The following HTR4 variants were observed in gnomAD, a reference collection of about 807,000 sequenced individuals.
HTR4 encodes 5-hydroxytryptamine receptor 4.
Under a neutral mutation model 36.8 loss-of-function variants are expected in HTR4, and 16 were observed. That is an observed-to-expected ratio of 0.43 (90% CI 0.29 to 0.66). The LOEUF is 0.66. Among genes scored for constraint, HTR4 ranks in the 30% least tolerant of loss-of-function variants. HTR4 has a pLI of 0.13. For synonymous variants in HTR4, 189 were observed against 185.1 expected, an observed-to-expected ratio of 1.02 and a Z score of -0.17; for missense variants, 438 against 490.9, an observed-to-expected ratio of 0.89 and a Z score of 1.02.
chr5:148,465,166 TTA>T (rs1172052512), intron 5 of HTR4, among the ~76,000 whole-genome samples: 2 of 152,110 alleles, frequency 1.3e-5, no homozygotes, highest in African/African-American at 4.8e-5. Context: ...ATACATGTCA[TTA>T]TGTGTTTGTC....
intron 1 of HTR4, among the ~76,000 whole-genome samples, chr5:148,648,640 T>C (rs575571857): frequency 1.3e-5 from 2 of 152,294 alleles, no homozygotes; most frequent in East Asian, 3.9e-4. Flanking sequence ...AGTTGTGTGA[T>C]AGGAGGGGAC....
chr5:148,547,050 C>G (rs1021216853), intron 4 of HTR4, among the ~76,000 whole-genome samples: 1 of 152,122 alleles, frequency 6.6e-6, no homozygotes, highest in Admixed American at 6.5e-5. Context: ...TTAACTTAAG[C>G]ATATTCAACT....
At chr5:148,459,238 G>C (rs574339423) in intron 5 of HTR4, among the ~76,000 whole-genome samples, 1 of 152,098 alleles carries the variant, frequency 6.6e-6, no homozygotes, top group Non-Finnish European at 1.5e-5. Flanking sequence ...GAACTCGAGG[G>C]GGGAGGGCAA....
At chr5:148,605,256 CTTTTTTTTT>C (rs869039969) in intron 2 of HTR4, among the ~76,000 whole-genome samples, 1 of 42,652 alleles carries the variant, frequency 2.3e-5, no homozygotes, top group Non-Finnish European at 4.2e-5. Flanking sequence ...CTTTTCTTTT[CTTTTTTTTT>C]TTTTTTTTTT....
intron 1 of HTR4, among the ~76,000 whole-genome samples, chr5:148,639,241 G>C (rs1753649190): frequency 6.6e-6 from 1 of 151,992 alleles, no homozygotes; most frequent in Non-Finnish European, 1.5e-5. Flanking sequence ...TTTCTTGCTT[G>C]CATAAAATTC....
chr5:148,614,908 T>C lies in HTR4; in HGVS notation c.26+22081A>G, dbSNP rs368295833. ...CACTTCTCAAAAGAAGACATTTATG[T>C]AGCCAAAAAACACATGAAAAAATGC... On this transcript the variant is annotated intron_variant, in intron 2 of 6. Transcript: ENST00000377888. Among the ~76,000 whole-genome samples, 490 of 151,164 alleles carry C rather than the reference T, an allele frequency of 3.2e-3. 2 individuals are homozygous for C. The highest frequency in any genetic ancestry group is 4.6e-3 in the Non-Finnish European group (313 of 67,674).
chr5:148,576,723 G>A (rs745475220), intron 2 of HTR4, among the ~76,000 whole-genome samples: 2 of 152,096 alleles, frequency 1.3e-5, no homozygotes, highest in Non-Finnish European at 2.9e-5. Flanking sequence ...ATGGGGAAAA[G>A]ACTCCCTATT....
At chr5:148,559,521 AT>A (rs1319282322) in intron 2 of HTR4, among the ~76,000 whole-genome samples, 3 of 152,138 alleles carry the variant, frequency 2.0e-5, no homozygotes, top group Non-Finnish European at 2.9e-5. Flanking sequence ...ATACTATGTA[AT>A]TGTTTTAAAG....
chr5:148,574,755 A>C (rs1206776083), intron 2 of HTR4, among the ~76,000 whole-genome samples: 1 of 152,070 alleles, frequency 6.6e-6, no homozygotes, highest in Non-Finnish European at 1.5e-5. Context: ...CCTGTAATAT[A>C]CGGTGCTTCT....
chr5:148,595,009 A>G (rs1167566096), intron 2 of HTR4, among the ~76,000 whole-genome samples: 1 of 152,194 alleles, frequency 6.6e-6, no homozygotes, highest in Non-Finnish European at 1.5e-5. Flanking sequence ...AAACAAACAC[A>G]TAAAAGATAG....
chr5:148,476,663 T>G, downstream of HTR4: 1 of 1,595,026 alleles, frequency 6.3e-7, no homozygotes, highest in African/African-American at 1.4e-5. Context: ...TTTGATAACT[T>G]CAGTGTACAA....
At chr5:148,466,729 AT>A (rs1335202441) in intron 5 of HTR4, among the ~76,000 whole-genome samples, 1 of 152,246 alleles carries the variant, frequency 6.6e-6, no homozygotes, top group Non-Finnish European at 1.5e-5. Flanking sequence ...TTCATCATAT[AT>A]AAATAATTCC....
At chr5:148,628,204 T>A (rs1753191388) in intron 2 of HTR4, among the ~76,000 whole-genome samples, 1 of 152,188 alleles carries the variant, frequency 6.6e-6, no homozygotes, top group Admixed American at 6.5e-5. Flanking sequence ...ATAGAAATCT[T>A]TAGAAAAGCA....
intron 5 of HTR4, among the ~76,000 whole-genome samples, chr5:148,517,162 T>A (rs1215194024): frequency 6.6e-6 from 1 of 152,198 alleles, no homozygotes; most frequent in African/African-American, 2.4e-5. Flanking sequence ...CAATTCTCTC[T>A]CCTTCCTTAT....
downstream of HTR4, among the ~76,000 whole-genome samples, chr5:148,477,788 T>C (rs1334390916): frequency 2.6e-5 from 4 of 152,194 alleles, no homozygotes; most frequent in Non-Finnish European, 5.9e-5. Flanking sequence ...AATTAGGCTG[T>C]ACTGGCTATG....
intron 5 of HTR4, among the ~76,000 whole-genome samples, chr5:148,471,236 G>A (rs182166815): frequency 1.3e-5 from 2 of 152,240 alleles, no homozygotes; most frequent in East Asian, 1.9e-4. Flanking sequence ...TTCTCCTCTT[G>A]GAACAGACTT....
At chr5:148,631,488 A>T (rs1753318268) in intron 2 of HTR4, among the ~76,000 whole-genome samples, 1 of 152,160 alleles carries the variant, frequency 6.6e-6, no homozygotes, top group South Asian at 2.1e-4. Flanking sequence ...CACATCGATA[A>T]GTCTTTAGGG....
chr5:148,604,946 G>A lies in HTR4; in HGVS notation c.26+32043C>T, dbSNP rs561507778. Among the ~76,000 whole-genome samples, 4 of 152,304 alleles carry A rather than the reference G, an allele frequency of 2.6e-5. No homozygotes were observed. In the East Asian group the frequency reaches 5.8e-4, roughly 22 times the overall value. On this transcript the variant is annotated intron_variant, in intron 2 of 6. Coordinates refer to ENST00000377888, the MANE Select transcript of HTR4 (RefSeq NM_000870.7). ...GGGTAGGAACACAGTGGAGAAGATGGCTGGCTACCTATATACTAAATGAGA... is the reference window on the plus strand; with the variant it reads ...GGGTAGGAACACAGTGGAGAAGATGACTGGCTACCTATATACTAAATGAGA...
In HTR4 at chr5:148,483,025, C is replaced by T. The variant is rs923496017; in HGVS notation, c.*178G>A. 6.9e-7 allele frequency: 1 copy of T among 1,452,622 alleles called. No individual in the cohort carries two copies. The highest frequency in any genetic ancestry group is 9.1e-7 in the Non-Finnish European group (1 of 1,099,544). The allele number at this position is 1,452,622 out of a possible 1,614,324, so 90.0% of individuals were successfully genotyped here. ...GGAGGCCATTATGTCCCCTGACTCC[C>T]TCCAGCGCCACCTGCTGGAATCTCA... is the stretch of plus-strand genomic sequence containing the variant. On this transcript the variant is annotated 3_prime_UTR_variant, in exon 7 of 7. Coordinates refer to ENST00000377888, the MANE Select transcript of HTR4 (RefSeq NM_000870.7).
Sources: allele counts gnomAD v4.1 joint callset (sites outside exome capture counted in the v4.1 genomes callset), GRCh38; gene constraint gnomAD v4.1.1; transcripts MANE v1.5; gene names NCBI Gene and HGNC (gene_info 2026-07-23, HGNC 2026-07-21).